Variants in XPR1 observed in about 807,000 individuals in gnomAD.
XPR1 encodes the protein xenotropic and polytropic retrovirus receptor 1, also known as solute carrier family 53 member 1.
In XPR1, 28 loss-of-function variants were observed where a neutral mutation model predicts 87.5. The observed-to-expected ratio is 0.32, with a 90% confidence interval of 0.24 to 0.44. The LOEUF is 0.44. XPR1 is among the 20% of genes least tolerant of loss of function. XPR1 has a pLI of 1.00. For missense variants in XPR1, 559 were observed against 862.3 expected (o/e 0.65, Z 4.41); for synonymous variants, 300 against 306.1 (o/e 0.98, Z 0.21).
chr1:180,827,739 A>T (rs912808098), intron 9 of XPR1, among the ~76,000 whole-genome samples: 2 of 152,176 alleles, frequency 1.3e-5, no homozygotes, highest in Non-Finnish European at 2.9e-5. Flanking sequence ...ATTTTAATTT[A>T]AATCTCACTG....
intron 1 of XPR1, among the ~76,000 whole-genome samples, chr1:180,678,857 C>A (rs894851488): frequency 6.6e-6 from 1 of 151,912 alleles, no homozygotes; most frequent in Admixed American, 6.6e-5. Flanking sequence ...GTGGGTTACC[C>A]TGGAAGTTTA....
intron 2 of XPR1, among the ~76,000 whole-genome samples, chr1:180,714,944 T>C (rs1657937408): frequency 6.6e-6 from 1 of 152,162 alleles, no homozygotes; most frequent in Admixed American, 6.5e-5. Context: ...TATTCTGGAA[T>C]GTTAGAATCC....
In XPR1 at chr1:180,821,707, T is replaced by C. The variant is rs184154235; in HGVS notation, c.764-3046T>C. On this transcript the variant is annotated intron_variant, in intron 7 of 14. Coordinates refer to ENST00000367590, the MANE Select transcript of XPR1 (RefSeq NM_004736.4). ...AGGATTCTTTTCTACTTTAATTTCTTTCAGCAGTGTTTTGAGTTTGTAGTA... is the reference window on the plus strand; with the variant it reads ...AGGATTCTTTTCTACTTTAATTTCTCTCAGCAGTGTTTTGAGTTTGTAGTA... 3.8e-3 allele frequency among the ~76,000 whole-genome samples: 585 copies of C among 152,366 alleles called. 5 individuals carry two copies. Among genetic ancestry groups the C allele is most frequent in the Non-Finnish European group, 4.8e-3 (324 of 68,026 alleles).
At chr1:180,776,251 T>A (rs1648712131) in intron 2 of XPR1, among the ~76,000 whole-genome samples, 1 of 152,128 alleles carries the variant, frequency 6.6e-6, no homozygotes, top group African/African-American at 2.4e-5. Flanking sequence ...AGATTGACAT[T>A]GCTGCAACAA....
chr1:180,679,382 G>A (rs919711653), intron 1 of XPR1, among the ~76,000 whole-genome samples: 1 of 152,100 alleles, frequency 6.6e-6, no homozygotes. Flanking sequence ...GTTATCTAAC[G>A]GGTCTCTAGA....
At chr1:180,713,434 A>G (rs181822489) in intron 2 of XPR1, among the ~76,000 whole-genome samples, 33 of 152,304 alleles carry the variant, frequency 2.2e-4, no homozygotes, top group African/African-American at 6.5e-4. Context: ...TCATCTGCCA[A>G]TGAAGACAGT....
intron 1 of XPR1, among the ~76,000 whole-genome samples, chr1:180,663,714 GTTC>G (rs1655857694): frequency 6.6e-6 from 1 of 152,190 alleles, no homozygotes; most frequent in Non-Finnish European, 1.5e-5. Context: ...CCAGGCTTGT[GTTC>G]TTCTCTTAAG....
intron 7 of XPR1, among the ~76,000 whole-genome samples, chr1:180,817,774 A>T (rs933672229): frequency 1.3e-5 from 2 of 152,296 alleles, no homozygotes; most frequent in Non-Finnish European, 2.9e-5. Flanking sequence ...TCAGGAGTTT[A>T]CCCTTGGGGA....
intron 11 of XPR1, among the ~76,000 whole-genome samples, chr1:180,841,113 G>T (rs921781644): frequency 6.6e-6 from 1 of 151,328 alleles, no homozygotes; most frequent in Non-Finnish European, 1.5e-5. Flanking sequence ...TTTTACCACA[G>T]TTTTTTTTTA....
At chr1:180,695,344 T>C (rs1229303220) in intron 2 of XPR1, among the ~76,000 whole-genome samples, 3 of 152,108 alleles carry the variant, frequency 2.0e-5, no homozygotes, top group Non-Finnish European at 4.4e-5. Context: ...CTGCAGGTGC[T>C]GTCTTCACTC....
At chr1:180,698,152 T>C (rs1214524025) in intron 2 of XPR1, among the ~76,000 whole-genome samples, 6 of 152,194 alleles carry the variant, frequency 3.9e-5, no homozygotes, top group Non-Finnish European at 8.8e-5. Flanking sequence ...TTGTTACATC[T>C]TCTTGCTGAA....
Position 180,674,125 on chromosome 1 carries a change from A to T in XPR1, c.70-8235A>T, listed in dbSNP as rs1656286042. Among the ~76,000 whole-genome samples the T allele has an allele frequency of 3.3e-5, 5 of 152,212 alleles. No individual in the cohort carries two copies. In the South Asian group the frequency reaches 1.0e-3, roughly 31 times the overall value. On this transcript the variant is annotated intron_variant, in intron 1 of 14. Coordinates refer to ENST00000367590, the MANE Select transcript of XPR1 (RefSeq NM_004736.4). ...GAATCAAACTTAATATTGTTTTAAG[A>T]GTTTTTATGATAGTCCTCATTAAAG...
At chr1:180,721,973 G>A (rs1658192320) in intron 2 of XPR1, among the ~76,000 whole-genome samples, 1 of 152,074 alleles carries the variant, frequency 6.6e-6, no homozygotes, top group Admixed American at 6.6e-5. Flanking sequence ...GTCAAAAGAT[G>A]TACGTAAGGC....
In XPR1 at chr1:180,763,504, A is replaced by C. The variant is rs1432138179; in HGVS notation, c.122-24249A>C. Among the ~76,000 whole-genome samples the C allele has an allele frequency of 2.0e-5, 3 of 152,238 alleles. No individual in the cohort carries two copies. The East Asian group carries it at 5.8e-4, about 29-fold the overall frequency. ...AGAAATGGATATTGAAGACATTTTT[A>C]ACATCAGTACTGAGACTCCAGTTGT... On this transcript the variant is annotated intron_variant, in intron 2 of 14. Transcript: ENST00000367590.
intron 2 of XPR1, among the ~76,000 whole-genome samples, chr1:180,753,247 A>G (rs1378746803): frequency 2.0e-5 from 3 of 152,192 alleles, no homozygotes; most frequent in Non-Finnish European, 2.9e-5. Context: ...ATTGAAAAGT[A>G]CTTGTTAAGG....
At chr1:180,877,727 T>C (rs1431897972) in intron 13 of XPR1, among the ~76,000 whole-genome samples, 1 of 152,070 alleles carries the variant, frequency 6.6e-6, no homozygotes, top group Non-Finnish European at 1.5e-5. Flanking sequence ...TATACTTCTG[T>C]TGAAATGCTT....
intron 11 of XPR1, among the ~76,000 whole-genome samples, chr1:180,846,000 C>T (rs1427937177): frequency 6.6e-6 from 1 of 152,180 alleles, no homozygotes; most frequent in Non-Finnish European, 1.5e-5. Flanking sequence ...TGGCTCACGC[C>T]TGTAATCCTA....
chr1:180,732,705 A>G (rs1396394896), intron 2 of XPR1, among the ~76,000 whole-genome samples: 2 of 152,212 alleles, frequency 1.3e-5, no homozygotes, highest in African/African-American at 4.8e-5. Context: ...CCCAGTGGGC[A>G]TGTGTTACCA....
chr1:180,692,083 A>G (rs2101958509), intron 2 of XPR1, among the ~76,000 whole-genome samples: 1 of 152,264 alleles, frequency 6.6e-6, no homozygotes, highest in African/African-American at 2.4e-5. Flanking sequence ...CTAGCTATAA[A>G]ACAGTTTGAT....
Sources: allele counts gnomAD v4.1 joint callset (sites outside exome capture counted in the v4.1 genomes callset), GRCh38; gene constraint gnomAD v4.1.1; transcripts MANE v1.5; gene names NCBI Gene and HGNC (gene_info 2026-07-23, HGNC 2026-07-21).